Variants in GET1 observed in about 807,000 individuals in gnomAD.
GET1 encodes congenital heart disease 5 protein.
A neutral mutation model predicts 22.6 loss-of-function variants in GET1; 20 were observed. That is an observed-to-expected ratio of 0.89 (90% CI 0.62 to 1.29). GET1 has a LOEUF of 1.29. Among genes scored for constraint, GET1 ranks in the 50% most tolerant of loss-of-function variants. The pLI is 0.00. For missense variants in GET1, 209 were observed against 219.9 expected (o/e 0.95, Z 0.31); for synonymous variants, 92 against 83.8 (o/e 1.10, Z -0.53).
intron 4 of GET1, among the ~76,000 whole-genome samples, chr21:39,395,294 C>G (rs1486739606): frequency 6.6e-6 from 1 of 152,094 alleles, no homozygotes; most frequent in Non-Finnish European, 1.5e-5. Context: ...AATGCTGCAG[C>G]ACACATACTT....
intron 1 of GET1, chr21:39,423,439 A>C (rs1239466353): frequency 1.3e-6 from 2 of 1,592,734 alleles, no homozygotes. Flanking sequence ...TTGAGAATTA[A>C]AGAGTGATGC....
At chr21:39,409,199 C>T (rs995071472), downstream of GET1, among the ~76,000 whole-genome samples, 4 of 152,084 alleles carry the variant, frequency 2.6e-5, no homozygotes, top group African/African-American at 7.2e-5. This position sits in a 1 kb window ranked among gnomAD's most constrained non-coding sequence, Gnocchi z 4.2. Flanking sequence ...ACTAAGGAAA[C>T]GCCACATGAA....
At chr21:39,384,040 CTT>C (rs776755444) in intron 1 of GET1, among the ~76,000 whole-genome samples, 7 of 142,210 alleles carry the variant, frequency 4.9e-5, no homozygotes, top group Admixed American at 7.0e-5. Context: ...CACCCCCGGC[CTT>C]TTTTTTTTTT....
At chr21:39,387,780 CA>C (rs1428975511) in intron 1 of GET1, 17 of 985,566 alleles carry the variant, frequency 1.7e-5, no homozygotes, top group Non-Finnish European at 2.0e-5. Flanking sequence ...CAGACACCCT[CA>C]GGCGACTGGC....
intron 1 of GET1, chr21:39,414,335 C>G (rs1044058458): frequency 6.6e-6 from 1 of 152,076 alleles, no homozygotes; most frequent in Admixed American, 6.5e-5. Context: ...CAGTACCTCA[C>G]GTGGGAGCTG....
downstream of GET1, among the ~76,000 whole-genome samples, chr21:39,398,899 C>T (rs1211640405): frequency 1.3e-5 from 2 of 152,018 alleles, no homozygotes; most frequent in African/African-American, 2.4e-5. Context: ...GCCATGACGC[C>T]CAGCTAATTT....
At chr21:39,418,604 A>G (rs929278208) in intron 1 of GET1, among the ~76,000 whole-genome samples, 4 of 151,956 alleles carry the variant, frequency 2.6e-5, no homozygotes, top group African/African-American at 9.7e-5. Context: ...AGGTTCAAGC[A>G]ATTCTCCTGC....
At chr21:39,389,057 T>C (rs2038119312) in intron 1 of GET1, among the ~76,000 whole-genome samples, 1 of 152,192 alleles carries the variant, frequency 6.6e-6, no homozygotes, top group Non-Finnish European at 1.5e-5. Flanking sequence ...GACGCCTGCC[T>C]GCCTGCCTTC....
At position 39,415,336 on chromosome 21, in the gene GET1, AT is replaced by A. The variant is rs140778077; in HGVS notation, c.*23+4404del. Among the ~76,000 whole-genome samples, 31 of 152,254 alleles carry A rather than the reference AT, an allele frequency of 2.0e-4. 2 individuals carry two copies. The East Asian group carries it at 6.0e-3, about 29-fold the overall frequency. On this transcript the variant is annotated intron_variant, in intron 1 of 1. Coordinates refer to the GET1 transcript ENST00000478273. ...GCATAAAATATGTAATTTCAAAAGCATTTTTCCCTTTGAAACTTTATTATAC... is the reference window on the plus strand; with the variant it reads ...GCATAAAATATGTAATTTCAAAAGCATTTTCCCTTTGAAACTTTATTATAC...
intron 4 of GET1, among the ~76,000 whole-genome samples, chr21:39,404,813 A>C (rs1302840476): frequency 1.3e-5 from 2 of 150,196 alleles, no homozygotes; most frequent in Non-Finnish European, 3.0e-5. Context: ...ATATATATAC[A>C]CACATACATA....
intron 1 of GET1, chr21:39,420,911 G>C: frequency 8.3e-7 from 1 of 1,201,582 alleles, no homozygotes; most frequent in South Asian, 1.3e-5. Context: ...AATTATCATG[G>C]AACTAACTAC....
chr21:39,386,919 A>G (rs970250799), intron 1 of GET1, among the ~76,000 whole-genome samples: 6 of 151,176 alleles, frequency 4.0e-5, no homozygotes, highest in South Asian at 4.2e-4. Context: ...ATCATAACTC[A>G]CAGCAGCCTC....
At chr21:39,386,663 C>A (rs1047685747) in intron 1 of GET1, among the ~76,000 whole-genome samples, 3 of 152,104 alleles carry the variant, frequency 2.0e-5, no homozygotes, top group Non-Finnish European at 4.4e-5. Flanking sequence ...GGGACTAGCA[C>A]GGGGTGTGCA....
At chr21:39,424,072 G>A (rs1392357389) in intron 1 of GET1, among the ~76,000 whole-genome samples, 2 of 151,986 alleles carry the variant, frequency 1.3e-5, no homozygotes, top group Non-Finnish European at 2.9e-5. Flanking sequence ...GAGTGTAGTG[G>A]TGCAACCTTG....
chr21:39,419,385 TA>T (rs1001195612), intron 1 of GET1, among the ~76,000 whole-genome samples: 2 of 151,696 alleles, frequency 1.3e-5, no homozygotes, highest in African/African-American at 2.4e-5. Context: ...ATTAGCTGGG[TA>T]TGGTGGCATG....
downstream of GET1, chr21:39,408,472 A>C (rs190298235): frequency 6.6e-6 from 1 of 152,420 alleles, no homozygotes; most frequent in East Asian, 1.9e-4. Flanking sequence ...TGTTAGCTGC[A>C]CACCAGAGAT....
At position 39,424,021 on chromosome 21, in the gene GET1, A is replaced by AT. The variant is rs201750599; in HGVS notation, c.*24-4202dup. Among the ~76,000 whole-genome samples, 347 of 150,956 alleles carry AT rather than the reference A, an allele frequency of 2.3e-3. 1 individual carries two copies. Among genetic ancestry groups the AT allele is most frequent in the African/African-American group, 7.5e-3 (310 of 41,220 alleles). On this transcript the variant is annotated intron_variant, in intron 1 of 1. Coordinates refer to the GET1 transcript ENST00000478273. ...ACAATTTTTTTAAATGTTTATTTTTATTTTTTTTTGAGATGGAGTCTCCCT... is the reference window on the plus strand; with the variant it reads ...ACAATTTTTTTAAATGTTTATTTTTATTTTTTTTTTGAGATGGAGTCTCCCT...
At position 39,389,066 on chromosome 21, in the gene GET1, T is replaced by G. The variant is rs1463905167; in HGVS notation, c.103-1632T>G. Among the ~76,000 whole-genome samples the G allele has an allele frequency of 3.3e-5, 5 of 152,106 alleles. No homozygotes were observed. In the South Asian group the frequency reaches 6.2e-4, roughly 19 times the overall value. ...CTCCGAGACGCCTGCCTGCCTGCCTTCCTTCCTTCCTTCCTCCCTCCCTTC... is the reference window on the plus strand; with the variant it reads ...CTCCGAGACGCCTGCCTGCCTGCCTGCCTTCCTTCCTTCCTCCCTCCCTTC... On this transcript the variant is annotated intron_variant, in intron 1 of 4. Transcript: ENST00000649170.
At chr21:39,428,215 C>A (rs1216659449) in intron 1 of GET1, 1 of 1,599,044 alleles carries the variant, frequency 6.3e-7, no homozygotes, top group Non-Finnish European at 8.5e-7. Flanking sequence ...TTTTCTTCTC[C>A]TTTTCTTTTA....
Sources: allele counts gnomAD v4.1 joint callset (sites outside exome capture counted in the v4.1 genomes callset), GRCh38; gene constraint gnomAD v4.1.1; non-coding constraint Gnocchi (gnomAD v3.1); transcripts MANE v1.5; gene names NCBI Gene and HGNC (gene_info 2026-07-23, HGNC 2026-07-21).